GAP43: variants seen among roughly 807,000 people sequenced by gnomAD.
GAP43 encodes the protein neuromodulin.
Under a neutral mutation model 18.6 loss-of-function variants are expected in GAP43, and 6 were observed. That is an observed-to-expected ratio of 0.32 (90% confidence interval 0.18 to 0.64). The LOEUF (loss-of-function observed/expected upper bound fraction) is 0.64. Ranked by LOEUF, GAP43 falls within the 30% of genes least tolerant of loss-of-function variation. GAP43 has a pLI of 0.78. For missense variants in GAP43, 292 were observed against 295.5 expected (o/e 0.99, Z 0.09); for synonymous variants, 115 against 111.4 (o/e 1.03, Z -0.20).
At chr3:115,648,150 C>T (rs1008942753) in intron 1 of GAP43, among the ~76,000 whole-genome samples, 7 of 152,078 alleles carry the variant, frequency 4.6e-5, no homozygotes, top group African/African-American at 1.7e-4. Context: ...GGAAGTAGTC[C>T]TTCTTTTACG....
intron 1 of GAP43, among the ~76,000 whole-genome samples, chr3:115,636,883 A>G (rs1160181279): frequency 2.0e-5 from 3 of 152,062 alleles, no homozygotes; most frequent in Admixed American, 6.6e-5. Flanking sequence ...GAATGAAATC[A>G]TCTCTAAGGC....
chr3:115,708,939 G>GGTT (rs1709399610), intron 2 of GAP43, among the ~76,000 whole-genome samples: 2 of 107,814 alleles, frequency 1.9e-5, no homozygotes, highest in African/African-American at 8.5e-5. Flanking sequence ...CAACTGGCTG[G>GGTT]GTTTTTTTTT....
intron 1 of GAP43, among the ~76,000 whole-genome samples, chr3:115,665,409 A>G (rs918418791): frequency 3.9e-5 from 6 of 152,204 alleles, no homozygotes; most frequent in Non-Finnish European, 8.8e-5. Context: ...TCCTTAAAAT[A>G]TAAGAGGTTG....
At chr3:115,650,425 G>A (rs984314099) in intron 1 of GAP43, among the ~76,000 whole-genome samples, 4 of 152,130 alleles carry the variant, frequency 2.6e-5, no homozygotes, top group Admixed American at 6.6e-5. Flanking sequence ...TTTTTCTACT[G>A]AATTACCTTT....
intron 1 of GAP43, among the ~76,000 whole-genome samples, chr3:115,658,251 T>G (rs80248290): frequency 5.3e-5 from 8 of 150,836 alleles, no homozygotes; most frequent in Non-Finnish European, 1.0e-4. Flanking sequence ...ACTTTTTTGG[T>G]TTTTTTTTCC....
chr3:115,705,150 C>A (rs1457238645), intron 2 of GAP43, among the ~76,000 whole-genome samples: 1 of 152,158 alleles, frequency 6.6e-6, no homozygotes, highest in Non-Finnish European at 1.5e-5. Flanking sequence ...AAGGCATGAG[C>A]TGAATGAATA....
chr3:115,641,510 T>TCACACACA (rs376412583), intron 1 of GAP43, among the ~76,000 whole-genome samples: 6,879 of 106,950 alleles, frequency 0.064, 213 homozygotes, highest in African/African-American at 0.11. Flanking sequence ...ATATATATAT[T>TCACACACA]CACACACACA....
intron 1 of GAP43, among the ~76,000 whole-genome samples, chr3:115,652,552 T>G (rs777730123): frequency 3.3e-5 from 5 of 151,812 alleles, no homozygotes; most frequent in Non-Finnish European, 5.9e-5. Flanking sequence ...GCCCAGCTAA[T>G]TTTTAAAAAC....
At chr3:115,641,025 G>GTTTTTTTTTTTTTTTTTTTTTTTTTTTTT (rs755356206) in intron 1 of GAP43, among the ~76,000 whole-genome samples, 1 of 49,008 alleles carries the variant, frequency 2.0e-5, no homozygotes. Context: ...GCTTTATTCT[G>GTTTTTTTTTTTTTTTTTTTTTTTTTTTTT]TTTTTTTTTT....
chr3:115,646,881 C>T (rs998609432), intron 1 of GAP43, among the ~76,000 whole-genome samples: 1 of 151,906 alleles, frequency 6.6e-6, no homozygotes, highest in Non-Finnish European at 1.5e-5. Context: ...TTCAGGAAAC[C>T]AAACAACCAA....
At chr3:115,688,148 C>G (rs982454548) in intron 2 of GAP43, among the ~76,000 whole-genome samples, 3 of 152,024 alleles carry the variant, frequency 2.0e-5, no homozygotes, top group African/African-American at 4.8e-5. Flanking sequence ...TCCCGAGTAG[C>G]TGGGATTACA....
intron 2 of GAP43, among the ~76,000 whole-genome samples, chr3:115,679,995 GA>G (rs1708941091): frequency 6.6e-6 from 1 of 152,118 alleles, no homozygotes; most frequent in Non-Finnish European, 1.5e-5. Context: ...TCCCTGAATA[GA>G]AAAATTAACT....
chr3:115,695,810 C>A (rs1164183530), intron 2 of GAP43, among the ~76,000 whole-genome samples: 2 of 152,182 alleles, frequency 1.3e-5, no homozygotes, highest in African/African-American at 4.8e-5. Context: ...AACCCAATGG[C>A]CAATTCTAAG....
At chr3:115,696,475 T>C (rs1311586351) in intron 2 of GAP43, among the ~76,000 whole-genome samples, 1 of 151,862 alleles carries the variant, frequency 6.6e-6, no homozygotes, top group Non-Finnish European at 1.5e-5. Context: ...CAAAGCTCCA[T>C]GTTCTCAGCA....
intron 2 of GAP43, among the ~76,000 whole-genome samples, chr3:115,681,102 T>C (rs896351130): frequency 1.1e-4 from 17 of 152,368 alleles, no homozygotes; most frequent in Middle Eastern, 3.4e-3. Flanking sequence ...GGGCACCCTG[T>C]CAGATACTCA....
chr3:115,646,525 A>G (rs544302709), intron 1 of GAP43, among the ~76,000 whole-genome samples: 1 of 152,214 alleles, frequency 6.6e-6, no homozygotes, highest in Admixed American at 6.6e-5. Flanking sequence ...AATATTGCCT[A>G]ACAGGATAGG....
intron 1 of GAP43, among the ~76,000 whole-genome samples, chr3:115,629,873 T>C (rs1708240955): frequency 6.6e-6 from 1 of 152,212 alleles, no homozygotes; most frequent in Non-Finnish European, 1.5e-5. Context: ...AAAAAATGTC[T>C]TGGCATGAAA....
Position 115,635,988 on chromosome 3 carries a change from C to T in GAP43, c.30+12269C>T, listed in dbSNP as rs145626673. Among the ~76,000 whole-genome samples, 1,229 of 152,116 alleles carry T rather than the reference C, an allele frequency of 8.1e-3. 17 individuals are homozygous for T. Among genetic ancestry groups the T allele is most frequent in the African/African-American group, 0.029 (1,202 of 41,520 alleles). On this transcript the variant is annotated intron_variant, in intron 1 of 2. Transcript: ENST00000305124. ...GGAAACTGATTGGTTTGTGTACATA[C>T]TTAAGTCTATTTTATTAATCATATC...
intron 1 of GAP43, among the ~76,000 whole-genome samples, chr3:115,648,585 A>G (rs1708486721): frequency 2.0e-5 from 3 of 152,184 alleles, no homozygotes; most frequent in Admixed American, 2.0e-4. Context: ...CATGGCCAGC[A>G]TGAGGAAAAC....
Sources: gnomAD v4.1 joint callset for allele counts (sites outside exome capture counted in the v4.1 genomes callset) on GRCh38, gnomAD v4.1.1 for gene constraint, MANE v1.5 for transcripts, NCBI Gene and HGNC (gene_info 2026-07-23, HGNC 2026-07-21) for gene names.